The following LRRC4C variants were observed in gnomAD, a reference collection of about 807,000 sequenced individuals.
LRRC4C encodes leucine-rich repeat-containing protein 4C.
In LRRC4C, 5 loss-of-function variants were observed where a neutral mutation model predicts 33.6. That is an observed-to-expected ratio of 0.15 (90% CI 0.08 to 0.31). The LOEUF is 0.31. LRRC4C is among the 10% of genes least tolerant of loss of function. The pLI is 1.00. For missense variants in LRRC4C, 560 were observed against 796.7 expected (o/e 0.70, Z 3.58); for synonymous variants, 329 against 302.0 (o/e 1.09, Z -0.93).
intron 1 of LRRC4C, among the ~76,000 whole-genome samples, chr11:41,437,415 G>GCA (rs1473005499): frequency 4.5e-5 from 6 of 133,594 alleles, no homozygotes; most frequent in Non-Finnish European, 8.5e-5. Flanking sequence ...ACACAAACGC[G>GCA]CGCGCGCGCG....
chr11:40,423,482 C>T (rs1950599888), intron 3 of LRRC4C, among the ~76,000 whole-genome samples: 1 of 151,664 alleles, frequency 6.6e-6, no homozygotes, highest in South Asian at 2.1e-4. Context: ...GCAGCTGGGA[C>T]TACAGGCGCC....
chr11:40,851,743 C>A (rs934956160), intron 2 of LRRC4C, among the ~76,000 whole-genome samples: 5 of 152,120 alleles, frequency 3.3e-5, no homozygotes, highest in Non-Finnish European at 5.9e-5. Context: ...TCACACCAGC[C>A]TGGCAACAGA....
At chr11:41,289,559 C>T (rs1406659064) in intron 1 of LRRC4C, among the ~76,000 whole-genome samples, 2 of 152,130 alleles carry the variant, frequency 1.3e-5, no homozygotes, top group Non-Finnish European at 2.9e-5. Context: ...TTCTCCCCTT[C>T]TACATGTGAA....
chr11:41,077,816 T>G (rs983569415), intron 1 of LRRC4C, among the ~76,000 whole-genome samples: 1 of 152,194 alleles, frequency 6.6e-6, no homozygotes, highest in Non-Finnish European at 1.5e-5. Context: ...ACACCGCAAA[T>G]TTTCCAAACG....
intron 1 of LRRC4C, among the ~76,000 whole-genome samples, chr11:40,983,249 T>C (rs1812355039): frequency 6.6e-6 from 1 of 152,182 alleles, no homozygotes; most frequent in African/African-American, 2.4e-5. Context: ...CACCACACTG[T>C]CTTCCACAAT....
chr11:41,257,143 C>A (rs1948827975), intron 1 of LRRC4C, among the ~76,000 whole-genome samples: 6 of 151,966 alleles, frequency 3.9e-5, no homozygotes, highest in Admixed American at 3.9e-4. Context: ...AGTACTATCA[C>A]ACACTGAGTA....
At chr11:40,722,413 C>T (rs1430923195) in intron 2 of LRRC4C, among the ~76,000 whole-genome samples, 1 of 152,068 alleles carries the variant, frequency 6.6e-6, no homozygotes, top group Non-Finnish European at 1.5e-5. Context: ...CTGAATTACA[C>T]CAACAAAGAA....
chr11:40,748,550 G>T (rs1948538265), intron 2 of LRRC4C, among the ~76,000 whole-genome samples: 1 of 151,798 alleles, frequency 6.6e-6, no homozygotes, highest in Non-Finnish European at 1.5e-5. Flanking sequence ...AAACCTCAAT[G>T]ACAAATGATA....
intron 3 of LRRC4C, among the ~76,000 whole-genome samples, chr11:40,414,823 C>T (rs1465216718): frequency 2.0e-5 from 3 of 151,982 alleles, no homozygotes; most frequent in South Asian, 2.1e-4. Flanking sequence ...ATCTTCTCTC[C>T]GAAGGGATGG....
At position 40,285,543 on chromosome 11, in the gene LRRC4C, C is replaced by T. The variant is rs555828141; in HGVS notation, c.-176+34085G>A. On this transcript the variant is annotated intron_variant, in intron 4 of 6. Coordinates refer to ENST00000528697, the MANE Select transcript of LRRC4C (RefSeq NM_001258419.2). ...TTATAAATTTCTAGATGCCTTATAACATTTTGCAAAATCTTTCTCTCCATT... is the reference window on the plus strand; with the variant it reads ...TTATAAATTTCTAGATGCCTTATAATATTTTGCAAAATCTTTCTCTCCATT... Among the ~76,000 whole-genome samples the T allele has an allele frequency of 7.1e-4, 108 of 152,286 alleles. 1 individual carries two copies. Among genetic ancestry groups the T allele is most frequent in the African/African-American group, 2.5e-3 (105 of 41,558 alleles).
intron 3 of LRRC4C, among the ~76,000 whole-genome samples, chr11:40,472,196 C>T (rs184864232): frequency 7.2e-5 from 11 of 151,988 alleles, no homozygotes; most frequent in African/African-American, 2.4e-4. Flanking sequence ...AGGAGACTGG[C>T]GTGAACCTGG....
rs193043331 is a variant in LRRC4C, at chr11:41,358,183, A to G, written c.-496+101248T>C. Reference sequence around the variant, plus strand: ...AGCTTTTTGAAATGATGCTCAAACAATACAGCATTCACATGTTGAAAAAAA... The same window carrying G: ...AGCTTTTTGAAATGATGCTCAAACAGTACAGCATTCACATGTTGAAAAAAA... On this transcript the variant is annotated intron_variant, in intron 1 of 6. Coordinates refer to ENST00000528697, the MANE Select transcript of LRRC4C (RefSeq NM_001258419.2). 3.2e-4 allele frequency among the ~76,000 whole-genome samples: 49 copies of G among 152,264 alleles called. No homozygotes were observed. The East Asian group carries it at 7.9e-3, about 25-fold the overall frequency.
chr11:40,355,974 GTACAGTATAGTA>G (rs1947648160), intron 3 of LRRC4C, among the ~76,000 whole-genome samples: 1 of 36,302 alleles, frequency 2.8e-5, no homozygotes, highest in Admixed American at 3.6e-4. Flanking sequence ...GTATAGTATA[GTACAGTATAGTA>G]TAGTATAGTA....
At chr11:41,115,794 G>A (rs549030445) in intron 1 of LRRC4C, among the ~76,000 whole-genome samples, 1 of 152,164 alleles carries the variant, frequency 6.6e-6, no homozygotes, top group East Asian at 1.9e-4. Flanking sequence ...CCCGCAACTG[G>A]TAACCAGAGC....
intron 1 of LRRC4C, among the ~76,000 whole-genome samples, chr11:41,411,318 T>C (rs1021112627): frequency 6.6e-6 from 1 of 151,048 alleles, no homozygotes; most frequent in Non-Finnish European, 1.5e-5. Flanking sequence ...CCAGCTAATT[T>C]TTTGTATTTT....
chr11:40,129,275 T>C (rs1472910673), intron 6 of LRRC4C, among the ~76,000 whole-genome samples: 1 of 152,212 alleles, frequency 6.6e-6, no homozygotes, highest in Non-Finnish European at 1.5e-5. Context: ...TTCCAGTTTG[T>C]AGTTATTTTC....
chr11:40,778,133 T>C (rs906616007), intron 2 of LRRC4C, among the ~76,000 whole-genome samples: 37 of 152,230 alleles, frequency 2.4e-4, no homozygotes, highest in Admixed American at 2.3e-3. Flanking sequence ...GTTTCTGTTG[T>C]ATAGTTGTTT....
intron 2 of LRRC4C, among the ~76,000 whole-genome samples, chr11:40,777,968 A>G (rs1426515196): frequency 6.6e-6 from 1 of 152,082 alleles, no homozygotes; most frequent in Admixed American, 6.5e-5. Context: ...GATTACAGGC[A>G]TGAGCCACCG....
intron 1 of LRRC4C, among the ~76,000 whole-genome samples, chr11:41,439,544 T>C (rs918922906): frequency 1.3e-5 from 2 of 152,228 alleles, no homozygotes; most frequent in African/African-American, 4.8e-5. Context: ...CCAATTTTTT[T>C]TATTTTTTAA....
Sources: allele counts gnomAD v4.1 joint callset (sites outside exome capture counted in the v4.1 genomes callset), GRCh38; gene constraint gnomAD v4.1.1; transcripts MANE v1.5; gene names NCBI Gene and HGNC (gene_info 2026-07-23, HGNC 2026-07-21).